Variants in ACER3 observed in about 807,000 individuals in gnomAD.
ACER3 encodes alkaline ceramidase 3.
ACER3 carries 16 observed loss-of-function variants against 48.9 expected under a neutral mutation model. The observed-to-expected ratio is 0.33, with a 90% CI of 0.22 to 0.50. The LOEUF is 0.50. Among genes scored for constraint, ACER3 ranks in the 20% least tolerant of loss-of-function variants. The pLI is 0.98. For synonymous variants in ACER3, 109 were observed against 107.8 expected, an observed-to-expected ratio of 1.01 and a Z score of -0.07; for missense variants, 227 against 326.0, an observed-to-expected ratio of 0.70 and a Z score of 2.34.
chr11:77,015,937 T>C (rs1949357640), intron 8 of ACER3, among the ~76,000 whole-genome samples: 1 of 152,010 alleles, frequency 6.6e-6, no homozygotes, highest in Non-Finnish European at 1.5e-5. Context: ...TGAAACCCTG[T>C]CTTTACTAAA....
intron 3 of ACER3, among the ~76,000 whole-genome samples, chr11:76,968,038 A>G (rs1476616733): frequency 1.3e-5 from 2 of 152,178 alleles, no homozygotes; most frequent in Non-Finnish European, 1.5e-5. Context: ...TATACCTAGA[A>G]AACCCCATCG....
chr11:77,015,673 A>C (rs1274015746), intron 8 of ACER3, among the ~76,000 whole-genome samples: 2 of 152,124 alleles, frequency 1.3e-5, no homozygotes, highest in Non-Finnish European at 2.9e-5. Context: ...GGTCATTCCA[A>C]CTCTAAATCC....
chr11:76,924,691 A>AT (rs921008974), intron 1 of ACER3, among the ~76,000 whole-genome samples: 3 of 152,064 alleles, frequency 2.0e-5, no homozygotes, highest in South Asian at 2.1e-4. Context: ...TCAGAGCATA[A>AT]TTTTTTACTA....
In ACER3 at chr11:76,939,120, A is replaced by G. The variant is rs367885523; in HGVS notation, c.214+12453A>G. 3.3e-5 allele frequency among the ~76,000 whole-genome samples: 5 copies of G among 152,358 alleles called. No homozygotes were observed. The East Asian group carries it at 9.6e-4, about 29-fold the overall frequency. ...ATGAGTTCCTATGATTCTAAAAAAC[A>G]CAAATGGGGTGAGAAGAGAAAGCTT... On this transcript the variant is annotated intron_variant, in intron 2 of 10. Transcript: ENST00000532485.
At chr11:77,003,346 G>T (rs1335443984) in intron 7 of ACER3, among the ~76,000 whole-genome samples, 1 of 152,178 alleles carries the variant, frequency 6.6e-6, no homozygotes, top group Non-Finnish European at 1.5e-5. Flanking sequence ...ATTTATGTGT[G>T]TAGCATTGGT....
chr11:76,994,932 C>T (rs1012616208), intron 6 of ACER3, among the ~76,000 whole-genome samples: 1 of 152,026 alleles, frequency 6.6e-6, no homozygotes, highest in Non-Finnish European at 1.5e-5. Flanking sequence ...ATCAGATTCT[C>T]ATTTTAGACA....
At chr11:76,868,389 C>CTGTGTGTGTG (rs1235157674) in intron 1 of ACER3, 28 of 187,158 alleles carry the variant, frequency 1.5e-4, no homozygotes, top group African/African-American at 4.5e-4. Context: ...CTCTCTCTCT[C>CTGTGTGTGTG]TCTGTGTGTG....
chr11:76,944,658 A>G (rs909528014), intron 2 of ACER3, among the ~76,000 whole-genome samples: 22 of 152,022 alleles, frequency 1.4e-4, no homozygotes, highest in Admixed American at 9.2e-4. Flanking sequence ...TTGACTTTTG[A>G]CATTCTGAAT....
At chr11:76,891,238 TATATATATA>T (rs1341198323) in intron 1 of ACER3, among the ~76,000 whole-genome samples, 1 of 32,986 alleles carries the variant, frequency 3.0e-5, no homozygotes, top group East Asian at 1.2e-3. Flanking sequence ...TGTGATATTT[TATATATATA>T]ATATATATAT....
At chr11:76,912,670 G>C (rs983580149) in intron 1 of ACER3, among the ~76,000 whole-genome samples, 2 of 151,952 alleles carry the variant, frequency 1.3e-5, no homozygotes, top group African/African-American at 4.8e-5. Context: ...GAGTAATGTG[G>C]AGGCAGCGCA....
intron 1 of ACER3, among the ~76,000 whole-genome samples, chr11:76,887,783 G>C (rs1464134726): frequency 6.8e-6 from 1 of 147,834 alleles, no homozygotes; most frequent in African/African-American, 2.5e-5. Flanking sequence ...CTGTTTTGGA[G>C]TCTGTGGATG....
intron 2 of ACER3, among the ~76,000 whole-genome samples, chr11:76,927,393 A>G (rs934957674): frequency 1.3e-5 from 2 of 152,186 alleles, no homozygotes; most frequent in African/African-American, 2.4e-5. Flanking sequence ...CATCATCATA[A>G]TAAATAAAAA....
In ACER3 at chr11:76,954,681, G is replaced by A. The variant is rs1298823905; in HGVS notation, c.215-4298G>A. On this transcript the variant is annotated intron_variant, in intron 2 of 10. Transcript: ENST00000532485. ...AGTGGCACAATCATGGCTTACTGCA[G>A]CTTCAACCTCCCAGGCTCAAGTGAT... is the stretch of plus-strand genomic sequence containing the variant. Among the ~76,000 whole-genome samples, 36 of 151,000 alleles carry A rather than the reference G, an allele frequency of 2.4e-4. 1 individual carries two copies. Among genetic ancestry groups the A allele is most frequent in the Non-Finnish European group, 2.9e-5 (2 of 67,848 alleles).
intron 1 of ACER3, among the ~76,000 whole-genome samples, chr11:76,867,603 T>A (rs7933248): frequency 0.6 from 90,376 of 151,484 alleles, 29,250 homozygotes; most frequent in Non-Finnish European, 0.74. Flanking sequence ...TATTTGATCA[T>A]GGAATGTCCA....
chr11:76,961,741 C>G (rs1003848638), intron 3 of ACER3, among the ~76,000 whole-genome samples: 9 of 147,396 alleles, frequency 6.1e-5, no homozygotes, highest in Non-Finnish European at 1.2e-4. Flanking sequence ...TAATGTAACC[C>G]GATGAGTAAT....
rs555865518 is a variant in ACER3, at chr11:76,872,081, G to A, written c.103+11002G>A. ...TACCCCCCAAACCCTGGCATAGGCTGAACTTTTTTTTTTGAGACTGAGTCT... is the reference window on the plus strand; with the variant it reads ...TACCCCCCAAACCCTGGCATAGGCTAAACTTTTTTTTTTGAGACTGAGTCT... On this transcript the variant is annotated intron_variant, in intron 1 of 10. Coordinates refer to ENST00000532485, the MANE Select transcript of ACER3 (RefSeq NM_018367.7). Among the ~76,000 whole-genome samples the A allele has an allele frequency of 1.7e-3, 208 of 124,306 alleles. 2 individuals are homozygous for A. The highest frequency in any genetic ancestry group is 4.4e-3 in the African/African-American group (138 of 31,452). 81.5% of individuals were successfully genotyped at this position (124,306 alleles called of 152,430 possible).
chr11:76,900,237 C>T (rs1409296364), intron 1 of ACER3, among the ~76,000 whole-genome samples: 1 of 152,102 alleles, frequency 6.6e-6, no homozygotes, highest in Non-Finnish European at 1.5e-5. Flanking sequence ...ACGTCTTCAT[C>T]CTCATCATTT....
intron 3 of ACER3, among the ~76,000 whole-genome samples, chr11:76,972,508 T>G (rs1361090214): frequency 1.3e-5 from 2 of 152,254 alleles, no homozygotes; most frequent in African/African-American, 2.4e-5. Context: ...GATACAGATA[T>G]GATTTGCAAA....
At chr11:76,868,305 C>T in intron 1 of ACER3, 2 of 1,263,416 alleles carry the variant, frequency 1.6e-6, no homozygotes, top group Non-Finnish European at 2.0e-6. Flanking sequence ...CTCAAAAGTT[C>T]ATAAGTCAAC....
Sources: gnomAD v4.1 joint callset for allele counts (sites outside exome capture counted in the v4.1 genomes callset) on GRCh38, gnomAD v4.1.1 for gene constraint, MANE v1.5 for transcripts, NCBI Gene and HGNC (gene_info 2026-07-23, HGNC 2026-07-21) for gene names.